The following SNX24 variants were observed in gnomAD, a reference collection of about 807,000 sequenced individuals.
SNX24 encodes the protein sorting nexin-24.
Under a neutral mutation model 28.7 loss-of-function variants are expected in SNX24, and 22 were observed. The ratio of observed to expected loss-of-function variants is 0.77; its 90% CI spans 0.55 to 1.10. The LOEUF (loss-of-function observed/expected upper bound fraction) is 1.10, where lower values mean the gene tolerates loss of function less well. Ranked by LOEUF, SNX24 falls within the 50% of genes least tolerant of loss-of-function variation. The pLI, the probability that SNX24 is intolerant of heterozygous loss-of-function variation, is 0.00. For synonymous variants in SNX24, 69 were observed against 71.5 expected (o/e 0.96, Z 0.18); for missense variants, 221 against 201.1 (o/e 1.10, Z -0.60).
chr5:122,899,797 G>C (rs1757354511), intron 1 of SNX24, among the ~76,000 whole-genome samples: 1 of 152,176 alleles, frequency 6.6e-6, no homozygotes, highest in Non-Finnish European at 1.5e-5. Context: ...AATGCAGTGA[G>C]CTCTTAACCT....
intron 5 of SNX24, among the ~76,000 whole-genome samples, chr5:123,001,729 T>C (rs381007): frequency 0.22 from 33,951 of 152,176 alleles, 4,833 homozygotes; most frequent in Non-Finnish European, 0.33. Context: ...GATTGTATAT[T>C]TGCTTCAAAT....
chr5:123,012,803 T>G (rs114989004), downstream of SNX24, among the ~76,000 whole-genome samples: 2,451 of 152,312 alleles, frequency 0.016, 59 homozygotes, highest in African/African-American at 0.042. Context: ...CTCACATCCC[T>G]GGCAACCTCT....
At chr5:122,866,078 TAAG>T (rs1324683659) in intron 1 of SNX24, among the ~76,000 whole-genome samples, 3 of 152,320 alleles carry the variant, frequency 2.0e-5, no homozygotes, top group Non-Finnish European at 2.9e-5. Context: ...TGTAACAAAA[TAAG>T]GAGGAAATAC....
chr5:122,916,530 C>G (rs1431745256), intron 1 of SNX24, among the ~76,000 whole-genome samples: 1 of 152,008 alleles, frequency 6.6e-6, no homozygotes, highest in Non-Finnish European at 1.5e-5. Flanking sequence ...TGCTTTTATT[C>G]TGAGCCTTGA....
intron 1 of SNX24, among the ~76,000 whole-genome samples, chr5:122,881,266 G>A: frequency 6.6e-6 from 1 of 152,106 alleles, no homozygotes; most frequent in Middle Eastern, 3.4e-3. Context: ...GAAATATGTT[G>A]TTCATTTTAT....
intron 1 of SNX24, among the ~76,000 whole-genome samples, chr5:122,867,899 C>A (rs887909440): frequency 6.6e-6 from 1 of 152,222 alleles, no homozygotes; most frequent in Non-Finnish European, 1.5e-5. Flanking sequence ...TTGGCCACAG[C>A]CCCTGAATTG....
chr5:122,939,553 A>G (rs1181231308), intron 2 of SNX24, among the ~76,000 whole-genome samples: 1 of 152,168 alleles, frequency 6.6e-6, no homozygotes, highest in Non-Finnish European at 1.5e-5. Context: ...TTAAATTTTT[A>G]TGTTTACTGA....
chr5:123,013,614 T>C (rs1762631841), downstream of SNX24, among the ~76,000 whole-genome samples: 1 of 152,172 alleles, frequency 6.6e-6, no homozygotes, highest in African/African-American at 2.4e-5. Flanking sequence ...TGTTAAGTCA[T>C]TGGAATACAC....
intron 3 of SNX24, among the ~76,000 whole-genome samples, chr5:122,970,735 T>C (rs1010697763): frequency 1.2e-4 from 19 of 152,332 alleles, no homozygotes; most frequent in African/African-American, 4.6e-4. Flanking sequence ...CCCAAAGTGC[T>C]GGAATTACAG....
intron 5 of SNX24, among the ~76,000 whole-genome samples, chr5:123,021,915 C>T (rs574759351): frequency 1.8e-4 from 27 of 152,174 alleles, no homozygotes; most frequent in Middle Eastern, 6.8e-3. Flanking sequence ...CTTGCTGCTT[C>T]CTACCCTTCC....
At chr5:122,874,700 T>C (rs556353435) in intron 1 of SNX24, among the ~76,000 whole-genome samples, 1 of 152,304 alleles carries the variant, frequency 6.6e-6, no homozygotes, top group South Asian at 2.1e-4. Flanking sequence ...TTCTTGAGCT[T>C]TTTGGGAGGA....
intron 1 of SNX24, among the ~76,000 whole-genome samples, chr5:122,884,970 G>A (rs152039): frequency 0.78 from 118,279 of 152,196 alleles, 47,002 homozygotes; most frequent in East Asian, 0.99. Context: ...GTATTCTTAG[G>A]GACCCGTTGG....
chr5:122,850,149 A>G (rs1754828877), intron 1 of SNX24, among the ~76,000 whole-genome samples: 1 of 152,232 alleles, frequency 6.6e-6, no homozygotes, highest in Non-Finnish European at 1.5e-5. Flanking sequence ...TTAACAAAAT[A>G]CAATCAACTG....
Position 122,887,285 on chromosome 5 carries a change from G to C in SNX24, c.60+41592G>C, listed in dbSNP as rs554776216. Among the ~76,000 whole-genome samples the C allele has an allele frequency of 9.2e-5, 14 of 152,256 alleles. No homozygotes were observed. In the South Asian group the frequency reaches 2.7e-3, roughly 29 times the overall value. ...TTATTTTTGGCATCTGTTGTTGCTG[G>C]TAAGAAGTCTGCTGTCAGCCTAATT... On this transcript the variant is annotated intron_variant, in intron 1 of 6. Coordinates refer to ENST00000261369, the MANE Select transcript of SNX24 (RefSeq NM_014035.4).
chr5:122,934,091 T>G (rs1759083797), intron 1 of SNX24, among the ~76,000 whole-genome samples: 1 of 152,108 alleles, frequency 6.6e-6, no homozygotes, highest in Non-Finnish European at 1.5e-5. Flanking sequence ...TCCCAGAGCC[T>G]AGAACAACCC....
chr5:122,958,288 T>G (rs186848988), intron 3 of SNX24, among the ~76,000 whole-genome samples: 5 of 152,302 alleles, frequency 3.3e-5, no homozygotes, highest in African/African-American at 1.2e-4. Flanking sequence ...AGTTTCACTC[T>G]TGTTGCCCAG....
chr5:123,009,165 T>A lies in SNX24; in HGVS notation c.*1416T>A. On this transcript the variant is annotated 3_prime_UTR_variant, in exon 7 of 7. Coordinates refer to ENST00000261369, the MANE Select transcript of SNX24 (RefSeq NM_014035.4). Reference sequence around the variant, plus strand: ...GAGATTTTTTTAAAATGTTTTTATGTTATTAGCTATTTGGAGTTAAATAAA... The same window carrying A: ...GAGATTTTTTTAAAATGTTTTTATGATATTAGCTATTTGGAGTTAAATAAA... The A allele has an allele frequency of 1.0e-6, 1 of 984,016 alleles. No homozygotes were observed. The highest frequency in any genetic ancestry group is 1.2e-6 in the Non-Finnish European group (1 of 828,212). 61.0% of individuals were successfully genotyped at this position (984,016 alleles called of 1,614,324 possible).
intron 1 of SNX24, among the ~76,000 whole-genome samples, chr5:122,898,856 A>G (rs1352149816): frequency 6.6e-6 from 1 of 152,200 alleles, no homozygotes; most frequent in African/African-American, 2.4e-5. Flanking sequence ...ATGGCTTCTT[A>G]TTCCTAAGCC....
chr5:122,958,743 A>G lies in SNX24; in HGVS notation c.249+12584A>G, dbSNP rs371069376. Reference sequence around the variant, plus strand: ...TTTAAATTTTTTTTGTATTTTTAGTAGAGACGGGGTCTTGCTATGTTGCCC... The same window carrying G: ...TTTAAATTTTTTTTGTATTTTTAGTGGAGACGGGGTCTTGCTATGTTGCCC... On this transcript the variant is annotated intron_variant, in intron 3 of 6. Coordinates refer to ENST00000261369, the MANE Select transcript of SNX24 (RefSeq NM_014035.4). Among the ~76,000 whole-genome samples, 9 of 150,538 alleles carry G rather than the reference A, an allele frequency of 6.0e-5. No individual in the cohort carries two copies. The South Asian group carries it at 1.7e-3, about 28-fold the overall frequency.
Sources: gnomAD v4.1 joint callset for allele counts (sites outside exome capture counted in the v4.1 genomes callset) on GRCh38, gnomAD v4.1.1 for gene constraint, MANE v1.5 for transcripts, NCBI Gene and HGNC (gene_info 2026-07-23, HGNC 2026-07-21) for gene names.